Variants in PHF20 observed in about 807,000 individuals in gnomAD.
PHF20 encodes the protein PHD finger protein 20.
In PHF20, 23 loss-of-function variants were observed where a neutral mutation model predicts 113.5. The observed-to-expected ratio is 0.20, with a 90% CI of 0.15 to 0.29. The LOEUF is 0.29. PHF20 is among the 10% of genes least tolerant of loss of function. The probability of loss-of-function intolerance (pLI) is 1.00; values close to 1 mark genes in which losing one functional copy is unlikely to be tolerated. For synonymous variants in PHF20, 434 were observed against 457.3 expected, an observed-to-expected ratio of 0.95 and a Z score of 0.65; for missense variants, 943 against 1,219.6, an observed-to-expected ratio of 0.77 and a Z score of 3.38.
chr20:35,892,055 G>T (rs1052219394), intron 9 of PHF20, among the ~76,000 whole-genome samples: 30 of 132,056 alleles, frequency 2.3e-4, no homozygotes, highest in African/African-American at 8.2e-4. Flanking sequence ...GTTTTTTTTT[G>T]TTTTTTTGTT....
rs750898682 is a variant in PHF20 at position 35,871,682 on chromosome 20, G to T, written c.1135G>T (p.Val379Phe). 8 of 1,610,930 alleles carry T rather than the reference G, an allele frequency of 5.0e-6. No individual in the cohort carries two copies. Among genetic ancestry groups the T allele is most frequent in the Non-Finnish European group, 6.8e-6 (8 of 1,178,586 alleles). The change falls in exon 9 of 18, where the codon GTC becomes TTC. Residue 379 changes from valine (V) to phenylalanine (F), a missense_variant. This residue lies in a region of PHF20 where 592 missense variants were observed against 787.2 expected (regional missense o/e 0.75). Coordinates refer to ENST00000374012, the MANE Select transcript of PHF20 (RefSeq NM_016436.5). ...QLKSALEAGQ[V>F]SSALTCHSFG... ...GAAGTCTGCTTTGGAAGCTGGCCAG[G>T]TCTCATCTGCACTGACTTGCCACTC...
intron 1 of PHF20, among the ~76,000 whole-genome samples, chr20:35,780,425 G>A (rs556712804): frequency 7.3e-5 from 11 of 150,940 alleles, no homozygotes; most frequent in South Asian, 4.2e-4. Context: ...CAGGGGTTTC[G>A]CCATGTTAGC....
chr20:35,795,322 A>AT, intron 1 of PHF20, among the ~76,000 whole-genome samples: 1 of 151,730 alleles, frequency 6.6e-6, no homozygotes, highest in South Asian at 2.1e-4. Flanking sequence ...TGCAACCTTC[A>AT]TCCCCTGGTT....
At chr20:35,891,215 A>G (rs942934581) in intron 9 of PHF20, among the ~76,000 whole-genome samples, 2 of 152,130 alleles carry the variant, frequency 1.3e-5, no homozygotes, top group Non-Finnish European at 2.9e-5. Context: ...GGTCTGTACT[A>G]AAAATACAAA....
At chr20:35,896,477 C>T (rs1045439144) in intron 9 of PHF20, among the ~76,000 whole-genome samples, 1 of 151,942 alleles carries the variant, frequency 6.6e-6, no homozygotes, top group African/African-American at 2.4e-5. Flanking sequence ...GGAAGACATT[C>T]TAAAGGGAGT....
Position 35,849,494 on chromosome 20 carries a change from G to C in PHF20, c.340+2060G>C, listed in dbSNP as rs1368989475. ...TGCAGGTTAATCATGGTAGGCACCT[G>C]TCTCTATAAGGTTTTGTGTTTGTGT... is the stretch of plus-strand genomic sequence containing the variant. On this transcript the variant is annotated intron_variant, in intron 4 of 17. Coordinates refer to ENST00000374012, the MANE Select transcript of PHF20 (RefSeq NM_016436.5). The C allele has an allele frequency of 8.5e-6, 4 of 469,870 alleles. No individual in the cohort carries two copies. In the East Asian group the frequency reaches 2.8e-4, roughly 33 times the overall value. The allele number at this position is 469,870 out of a possible 1,614,324, so 29.1% of individuals were successfully genotyped here.
chr20:35,824,217 T>C (rs977960308), intron 2 of PHF20, among the ~76,000 whole-genome samples: 1 of 152,220 alleles, frequency 6.6e-6, no homozygotes, highest in Admixed American at 6.5e-5. Flanking sequence ...CCAGTTGCTC[T>C]GCATTGTTGT....
Position 35,811,793 on chromosome 20 carries a change from C to T in PHF20, c.83+10188C>T, listed in dbSNP as rs923102980. ...TTTTTATTTTTTAATTTTTTTGAGA[C>T]GGAGTCTCGCTCTGTCTCCCAGGCT... On this transcript the variant is annotated intron_variant, in intron 2 of 17. Transcript: ENST00000374012. 4.7e-5 allele frequency among the ~76,000 whole-genome samples: 7 copies of T among 150,208 alleles called. No individual in the cohort carries two copies. In the South Asian group the frequency reaches 8.4e-4, roughly 18 times the overall value.
At chr20:35,788,709 C>T (rs1045716998) in intron 1 of PHF20, among the ~76,000 whole-genome samples, 3 of 152,194 alleles carry the variant, frequency 2.0e-5, no homozygotes, top group Non-Finnish European at 4.4e-5. Context: ...TCCTGAGTAG[C>T]TGGGATTACC....
chr20:35,860,343 C>T (rs2054198283), intron 5 of PHF20, among the ~76,000 whole-genome samples: 2 of 150,470 alleles, frequency 1.3e-5, no homozygotes, highest in African/African-American at 4.9e-5. Flanking sequence ...CGGGTTCAAG[C>T]AATTCTCCTT....
chr20:35,895,789 G>T (rs1489267620), intron 9 of PHF20, among the ~76,000 whole-genome samples: 2 of 148,912 alleles, frequency 1.3e-5, no homozygotes, highest in Admixed American at 1.4e-4. Flanking sequence ...AGGTTCAAGT[G>T]ATTCTCCTGC....
At chr20:35,920,666 T>C (rs956832779) in intron 13 of PHF20, among the ~76,000 whole-genome samples, 5 of 152,178 alleles carry the variant, frequency 3.3e-5, no homozygotes, top group Admixed American at 2.6e-4. Context: ...AAATTTGTTT[T>C]TGAAACATAA....
intron 15 of PHF20, among the ~76,000 whole-genome samples, chr20:35,934,700 G>A (rs2147120360): frequency 6.6e-6 from 1 of 151,306 alleles, no homozygotes; most frequent in South Asian, 2.1e-4. Flanking sequence ...CTGGGCAGGT[G>A]GCCACAGGCC....
chr20:35,839,446 T>C (rs962313026), intron 2 of PHF20, among the ~76,000 whole-genome samples: 17 of 150,288 alleles, frequency 1.1e-4, no homozygotes, highest in Non-Finnish European at 2.2e-4. Flanking sequence ...TTAAGACAGA[T>C]TGTGTTATTT....
At chr20:35,802,365 G>A (rs1329328219) in intron 2 of PHF20, among the ~76,000 whole-genome samples, 3 of 149,364 alleles carry the variant, frequency 2.0e-5, no homozygotes, top group Non-Finnish European at 3.0e-5. Context: ...TTTTTTTTTA[G>A]ACAGAGATTC....
intron 9 of PHF20, among the ~76,000 whole-genome samples, chr20:35,873,982 A>AT (rs1170257641): frequency 6.6e-5 from 10 of 152,014 alleles, no homozygotes; most frequent in Non-Finnish European, 1.2e-4. Context: ...TTATTTACAT[A>AT]TTTTTTTGAG....
In PHF20 at chr20:35,828,306, G is replaced by A. The variant is rs545705442; in HGVS notation, c.84-14267G>A. Among the ~76,000 whole-genome samples, 9 of 152,252 alleles carry A rather than the reference G, an allele frequency of 5.9e-5. No homozygotes were observed. The South Asian group carries it at 1.9e-3, about 32-fold the overall frequency. On this transcript the variant is annotated intron_variant, in intron 2 of 17. Coordinates refer to ENST00000374012, the MANE Select transcript of PHF20 (RefSeq NM_016436.5). ...CTCAAAGTGCTGGGATTATAGGTGTGAGCCACCGCGCCCAGCCTCATTAAT... is the reference window on the plus strand; with the variant it reads ...CTCAAAGTGCTGGGATTATAGGTGTAAGCCACCGCGCCCAGCCTCATTAAT...
intron 1 of PHF20, among the ~76,000 whole-genome samples, chr20:35,789,446 A>C (rs1401046501): frequency 6.6e-6 from 1 of 151,198 alleles, no homozygotes; most frequent in Non-Finnish European, 1.5e-5. Flanking sequence ...AAAAAAAAAC[A>C]AAAGCAGCTT....
chr20:35,821,243 G>A (rs2042162731), intron 2 of PHF20, among the ~76,000 whole-genome samples: 1 of 151,866 alleles, frequency 6.6e-6, no homozygotes, highest in South Asian at 2.1e-4. Context: ...GAGGCCAGGA[G>A]TTTGAGACCA....
Sources: allele counts gnomAD v4.1 joint callset (sites outside exome capture counted in the v4.1 genomes callset), GRCh38; gene constraint gnomAD v4.1.1; regional missense constraint gnomAD v4.1.1; transcripts MANE v1.5; gene names NCBI Gene and HGNC (gene_info 2026-07-23, HGNC 2026-07-21).